Variants in LCLAT1 observed in about 807,000 individuals in gnomAD.
LCLAT1 encodes the protein 1-AGP acyltransferase 8.
A neutral mutation model predicts 30.7 loss-of-function variants in LCLAT1; 11 were observed. That is an observed-to-expected ratio of 0.36 (90% CI 0.23 to 0.59). The LOEUF (loss-of-function observed/expected upper bound fraction) is 0.59. Ranked by LOEUF, LCLAT1 falls within the 20% of genes least tolerant of loss-of-function variation. LCLAT1 has a pLI of 0.77. For synonymous variants in LCLAT1, 155 were observed against 151.3 expected (o/e 1.02, Z -0.18); for missense variants, 402 against 458.6 (o/e 0.88, Z 1.13).
Position 30,600,600 on chromosome 2 carries a change from G to C in LCLAT1, c.628+32424G>C, listed in dbSNP as rs537804614. Among the ~76,000 whole-genome samples the C allele has an allele frequency of 3.8e-5, 5 of 132,134 alleles. No individual in the cohort carries two copies. The South Asian group carries it at 7.0e-4, about 19-fold the overall frequency. 86.7% of individuals were successfully genotyped at this position (132,134 alleles called of 152,430 possible). ...TTGGGTTGGAAATTCTTTTCTTTAA[G>C]AATGTTGAATACTGACCCCAAGTCT... On this transcript the variant is annotated intron_variant, in intron 5 of 5. Coordinates refer to ENST00000379509, the MANE Select transcript of LCLAT1 (RefSeq NM_001002257.3).
chr2:30,529,824 A>G lies in LCLAT1; in HGVS notation c.166-3292A>G, dbSNP rs551495136. ...TTTTGAAGAATGAGTTGGGATTGCA[A>G]AGCCTCAAGTAGCTAGGGATTTGGA... On this transcript the variant is annotated intron_variant, in intron 2 of 5. Transcript: ENST00000379509. Among the ~76,000 whole-genome samples, 6 of 152,320 alleles carry G rather than the reference A, an allele frequency of 3.9e-5. No homozygotes were observed. The South Asian group carries it at 1.2e-3, about 32-fold the overall frequency.
chr2:30,640,969 G>A lies in LCLAT1; in HGVS notation c.*350G>A, dbSNP rs539273550. ...CGTACCAGAGGCAGATCTGGAACTC[G>A]TCAACAACAGCCCGGATCACATGCT... On this transcript the variant is annotated 3_prime_UTR_variant, in exon 6 of 6. Coordinates refer to ENST00000379509, the MANE Select transcript of LCLAT1 (RefSeq NM_001002257.3). The A allele has an allele frequency of 1.5e-4, 37 of 242,944 alleles. No individual in the cohort carries two copies. The highest frequency in any genetic ancestry group is 5.3e-4 in the East Asian group (4 of 7,550). The allele number at this position is 242,944 out of a possible 1,614,324, so 15.0% of individuals were successfully genotyped here.
chr2:30,606,140 A>T, intron 5 of LCLAT1: 2 of 757,300 alleles, frequency 2.6e-6, no homozygotes, highest in Non-Finnish European at 3.8e-6. Context: ...GGAAGAATCA[A>T]TATCGTGAAA....
chr2:30,500,815 G>C (rs1177065009), intron 1 of LCLAT1, among the ~76,000 whole-genome samples: 1 of 152,064 alleles, frequency 6.6e-6, no homozygotes, highest in East Asian at 1.9e-4. Context: ...AATTTCTTTT[G>C]AATAAACGTA....
chr2:30,459,733 G>C (rs760723164), intron 1 of LCLAT1: 20 of 1,583,484 alleles, frequency 1.3e-5, no homozygotes, highest in Non-Finnish European at 1.4e-5. Context: ...GTAAGTCTTT[G>C]TAATGATTTA....
At chr2:30,630,248 C>A (rs1397377453) in intron 5 of LCLAT1, among the ~76,000 whole-genome samples, 2 of 152,142 alleles carry the variant, frequency 1.3e-5, no homozygotes, top group Non-Finnish European at 2.9e-5. Flanking sequence ...TTTTTTGCCT[C>A]ATTTAATCTT....
chr2:30,565,587 C>T (rs971638432), intron 4 of LCLAT1, among the ~76,000 whole-genome samples: 2 of 152,108 alleles, frequency 1.3e-5, no homozygotes, highest in Non-Finnish European at 2.9e-5. Flanking sequence ...AAGATTCTAA[C>T]AATTATGTTA....
At chr2:30,624,533 A>G (rs1389887450) in intron 5 of LCLAT1, among the ~76,000 whole-genome samples, 1 of 152,244 alleles carries the variant, frequency 6.6e-6, no homozygotes, top group Non-Finnish European at 1.5e-5. Context: ...GGGACATTAT[A>G]TGATGACAAA....
rs1018009566 is a variant in LCLAT1 at position 30,640,117 on chromosome 2, G to A, written c.629G>A (p.Gly210Asp). 4 of 1,606,378 alleles carry A rather than the reference G, an allele frequency of 2.5e-6. No homozygotes were observed. The highest frequency in any genetic ancestry group is 1.1e-5 in the South Asian group (1 of 89,444). ...FTFVVDRLREGKNLDAVHDIT... is the reference protein window; with the variant it reads ...FTFVVDRLREDKNLDAVHDIT... ...ATGTTTTCATCTTTTCGAAACCCAG[G>A]TAAGAACCTTGATGCTGTCCATGAT... The change falls in exon 6 of 6, where the codon GGT (glycine) becomes GAT (aspartate). Residue 210 changes from glycine to aspartate, a missense_variant and splice_region_variant. Transcript: ENST00000379509.
At chr2:30,510,996 C>A (rs1407919006) in intron 1 of LCLAT1, among the ~76,000 whole-genome samples, 1 of 151,874 alleles carries the variant, frequency 6.6e-6, no homozygotes, top group Non-Finnish European at 1.5e-5. Context: ...TTGAAGTTTT[C>A]TTTTCCCCTG....
At chr2:30,592,764 A>G (rs1176139972) in intron 5 of LCLAT1, among the ~76,000 whole-genome samples, 8 of 152,212 alleles carry the variant, frequency 5.3e-5, no homozygotes, top group Admixed American at 2.0e-4. Flanking sequence ...TTATTTACCA[A>G]TCTGCTACTA....
At chr2:30,619,870 T>C (rs918589486) in intron 5 of LCLAT1, among the ~76,000 whole-genome samples, 3 of 152,180 alleles carry the variant, frequency 2.0e-5, no homozygotes, top group Non-Finnish European at 4.4e-5. Flanking sequence ...TCTCCCAGGT[T>C]CCAAAGTGGG....
At chr2:30,465,109 T>C (rs1431121525) in intron 1 of LCLAT1, among the ~76,000 whole-genome samples, 3 of 152,166 alleles carry the variant, frequency 2.0e-5, no homozygotes, top group African/African-American at 2.4e-5. Context: ...TGTTACCTTG[T>C]ATGTTAAAAA....
At chr2:30,526,291 C>G (rs2148385640) in intron 2 of LCLAT1, among the ~76,000 whole-genome samples, 1 of 152,206 alleles carries the variant, frequency 6.6e-6, no homozygotes, top group East Asian at 1.9e-4. Flanking sequence ...GTCACAAAGG[C>G]TCTCTTCCTT....
chr2:30,464,101 T>C (rs968057130), intron 1 of LCLAT1, among the ~76,000 whole-genome samples: 3 of 152,206 alleles, frequency 2.0e-5, no homozygotes, highest in Non-Finnish European at 4.4e-5. Context: ...GAGGCCTTAT[T>C]TTCCTATGCC....
At chr2:30,584,347 TTTG>T (rs1257390592) in intron 5 of LCLAT1, among the ~76,000 whole-genome samples, 1 of 152,170 alleles carries the variant, frequency 6.6e-6, no homozygotes, top group Non-Finnish European at 1.5e-5. Flanking sequence ...CAAAAATAGC[TTTG>T]TTGTTGTTGC....
At chr2:30,486,116 T>C (rs2148318866) in intron 1 of LCLAT1, among the ~76,000 whole-genome samples, 1 of 152,274 alleles carries the variant, frequency 6.6e-6, no homozygotes, top group Middle Eastern at 3.4e-3. Context: ...ATTAAACCAC[T>C]AAAAATACAT....
At chr2:30,592,402 C>T (rs1666736186) in intron 5 of LCLAT1, among the ~76,000 whole-genome samples, 1 of 152,098 alleles carries the variant, frequency 6.6e-6, no homozygotes, top group Non-Finnish European at 1.5e-5. Context: ...ATGGCTTGAG[C>T]TTGCTTGGGA....
chr2:30,488,225 A>C (rs1177223702), intron 1 of LCLAT1, among the ~76,000 whole-genome samples: 1 of 152,262 alleles, frequency 6.6e-6, no homozygotes, highest in Non-Finnish European at 1.5e-5. Context: ...AGAGACTGTG[A>C]ATCACAGCAA....
Sources: allele counts gnomAD v4.1 joint callset (sites outside exome capture counted in the v4.1 genomes callset), GRCh38; gene constraint gnomAD v4.1.1; transcripts MANE v1.5; gene names NCBI Gene and HGNC (gene_info 2026-07-23, HGNC 2026-07-21).